The following CHRM3 variants were observed in gnomAD, a reference collection of about 807,000 sequenced individuals.
CHRM3 encodes muscarinic acetylcholine receptor M3.
A neutral mutation model predicts 41.8 loss-of-function variants in CHRM3; 11 were observed. That is an observed-to-expected ratio of 0.26 (90% CI 0.17 to 0.44). The LOEUF (loss-of-function observed/expected upper bound fraction) is 0.44. CHRM3 is among the 20% of genes least tolerant of loss of function. The pLI, the probability that CHRM3 is intolerant of heterozygous loss-of-function variation, is 1.00. For synonymous variants in CHRM3, 297 were observed against 301.4 expected, an observed-to-expected ratio of 0.99 and a Z score of 0.15; for missense variants, 571 against 745.4, an observed-to-expected ratio of 0.77 and a Z score of 2.72.
At chr1:239,545,893 T>C (rs1659239988) in intron 3 of CHRM3, 144 bp downstream of exon 3, 1 of 152,212 alleles carries the variant, frequency 6.6e-6, no homozygotes, top group Non-Finnish European at 1.5e-5. Flanking sequence ...TCTATTTCTG[T>C]ATCAACCAAT....
At chr1:239,816,841 C>T (rs1671632507) in intron 5 of CHRM3, among the ~76,000 whole-genome samples, 1 of 151,356 alleles carries the variant, frequency 6.6e-6, no homozygotes, top group Non-Finnish European at 1.5e-5. Flanking sequence ...AGCAATTCTC[C>T]TGCCTCAGCC....
chr1:239,793,803 A>ATTTTTGTTTTTTTT (rs1669532240), intron 5 of CHRM3, among the ~76,000 whole-genome samples: 2 of 69,492 alleles, frequency 2.9e-5, no homozygotes, highest in East Asian at 4.5e-4. Flanking sequence ...TGAAATGTGT[A>ATTTTTGTTTTTTTT]TTTTTTTTTT....
intron 4 of CHRM3, among the ~76,000 whole-genome samples, chr1:239,663,765 A>G (rs1673496950): frequency 1.3e-5 from 2 of 152,182 alleles, no homozygotes; most frequent in African/African-American, 2.4e-5. Flanking sequence ...CTATTCCTTT[A>G]GACACTTTAA....
At chr1:239,860,912 C>T (rs1048395139) in intron 6 of CHRM3, among the ~76,000 whole-genome samples, 1 of 152,100 alleles carries the variant, frequency 6.6e-6, no homozygotes, top group Non-Finnish European at 1.5e-5. Flanking sequence ...CAGTTGTAGT[C>T]ATTATATCTA....
intron 1 of CHRM3, among the ~76,000 whole-genome samples, chr1:239,442,781 G>A (rs1572321043): frequency 6.6e-6 from 1 of 152,170 alleles, no homozygotes. Context: ...AGATACAAGA[G>A]GAGAAACAAA....
chr1:239,677,792 C>G (rs1437675073), intron 4 of CHRM3, among the ~76,000 whole-genome samples: 3 of 152,184 alleles, frequency 2.0e-5, no homozygotes, highest in Non-Finnish European at 4.4e-5. Flanking sequence ...ACCATAGCAG[C>G]TTTATATCAA....
intron 5 of CHRM3, among the ~76,000 whole-genome samples, chr1:239,709,696 T>C (rs1204945656): frequency 5.9e-5 from 9 of 152,142 alleles, no homozygotes; most frequent in African/African-American, 2.2e-4. Context: ...CAGGGACAGG[T>C]TTTTGAGAGT....
At chr1:239,393,468 C>T (rs147731385) in intron 1 of CHRM3, among the ~76,000 whole-genome samples, 15 of 152,216 alleles carry the variant, frequency 9.9e-5, no homozygotes, top group African/African-American at 2.4e-4. Context: ...CTCACATGCC[C>T]GATAACACAT....
intron 4 of CHRM3, among the ~76,000 whole-genome samples, chr1:239,663,447 G>C (rs900808789): frequency 6.6e-6 from 1 of 152,138 alleles, no homozygotes; most frequent in East Asian, 1.9e-4. Context: ...GACAACCAAC[G>C]GAAGGAAATC....
intron 6 of CHRM3, among the ~76,000 whole-genome samples, chr1:239,899,307 GTATA>G (rs746317418): frequency 9.4e-6 from 1 of 106,588 alleles, no homozygotes; most frequent in Non-Finnish European, 1.9e-5. Context: ...GTGTGTGTGT[GTATA>G]TACACACACG....
chr1:239,645,223 G>A (rs1671640514), intron 4 of CHRM3, among the ~76,000 whole-genome samples: 1 of 152,228 alleles, frequency 6.6e-6, no homozygotes, highest in South Asian at 2.1e-4. Flanking sequence ...GGCTGCCTCT[G>A]AGGACTAGGG....
At chr1:239,600,754 T>C (rs1665420399) in intron 3 of CHRM3, among the ~76,000 whole-genome samples, 2 of 148,248 alleles carry the variant, frequency 1.3e-5, no homozygotes, top group Middle Eastern at 3.2e-3. Flanking sequence ...CCTCCCTCCT[T>C]CTTTCCTTCC....
chr1:239,716,648 T>C (rs1199995307), intron 5 of CHRM3, among the ~76,000 whole-genome samples: 1 of 151,806 alleles, frequency 6.6e-6, no homozygotes, highest in African/African-American at 2.4e-5. Flanking sequence ...ATATTTTTAA[T>C]TTGGTAATAA....
chr1:239,482,932 C>T (rs1336855324), intron 1 of CHRM3, among the ~76,000 whole-genome samples: 1 of 151,934 alleles, frequency 6.6e-6, no homozygotes, highest in African/African-American at 2.4e-5. Flanking sequence ...TATTCTTATA[C>T]TTCTAAAGCA....
rs141736995 is a variant in CHRM3, at chr1:239,557,292, C to G, written c.-313+11543C>G. ...TGTCTTCTTTGCCTTGCCATGACTA[C>G]TATGTGGCTCTGAGGTTTTCTACTT... On this transcript the variant is annotated intron_variant, in intron 3 of 6. Transcript: ENST00000676153. Among the ~76,000 whole-genome samples the G allele has an allele frequency of 2.1e-3, 325 of 152,282 alleles. 4 individuals are homozygous for G. Among genetic ancestry groups the G allele is most frequent in the Non-Finnish European group, 3.7e-3 (251 of 68,026 alleles).
At chr1:239,777,041 A>G (rs745620515) in intron 5 of CHRM3, among the ~76,000 whole-genome samples, 13 of 152,200 alleles carry the variant, frequency 8.5e-5, no homozygotes, top group Non-Finnish European at 1.5e-4. Context: ...GGCAAACCAT[A>G]TCAATAGTAT....
At chr1:239,764,364 C>G (rs1572218412) in intron 5 of CHRM3, among the ~76,000 whole-genome samples, 1 of 152,262 alleles carries the variant, frequency 6.6e-6, no homozygotes, top group South Asian at 2.1e-4. Context: ...TCTCTTCCAT[C>G]AGAACAGAAG....
chr1:239,806,417 TACACACACAC>T (rs5782102), intron 5 of CHRM3, among the ~76,000 whole-genome samples: 3 of 146,030 alleles, frequency 2.1e-5, no homozygotes, highest in Non-Finnish European at 4.5e-5. Context: ...AGGATGGAGT[TACACACACAC>T]ACACACACAC....
chr1:239,569,010 C>T (rs1661602269), intron 3 of CHRM3, among the ~76,000 whole-genome samples: 1 of 151,696 alleles, frequency 6.6e-6, no homozygotes, highest in South Asian at 2.1e-4. Context: ...CCACTTTCTG[C>T]CCTTAGAAGA....
Sources: allele counts gnomAD v4.1 joint callset (sites outside exome capture counted in the v4.1 genomes callset), GRCh38; gene constraint gnomAD v4.1.1; transcripts MANE v1.5; gene names NCBI Gene and HGNC (gene_info 2026-07-23, HGNC 2026-07-21).